PCDH15: variants seen among roughly 807,000 people sequenced by gnomAD.
PCDH15 encodes the protein protocadherin related 15.
In PCDH15, 129 loss-of-function variants were observed where a neutral mutation model predicts 178.5. The observed-to-expected ratio is 0.72, with a 90% confidence interval of 0.63 to 0.84. The LOEUF is 0.84. Ranked by LOEUF, PCDH15 falls within the 40% of genes least tolerant of loss-of-function variation. The pLI is 0.00. For synonymous variants in PCDH15, 800 were observed against 732.0 expected, an observed-to-expected ratio of 1.09 and a Z score of -1.50; for missense variants, 2,230 against 2,099.9, an observed-to-expected ratio of 1.06 and a Z score of -1.21.
intron 2 of PCDH15, among the ~76,000 whole-genome samples, chr10:55,463,884 AGAGAGG>A (rs1405077831): frequency 0.015 from 702 of 45,616 alleles, 52 homozygotes; most frequent in East Asian, 0.11. Flanking sequence ...AGAGAGAGAA[AGAGAGG>A]GAGAGAGAGA....
intron 5 of PCDH15, among the ~76,000 whole-genome samples, chr10:54,360,052 C>T (rs2134462113): frequency 6.6e-6 from 1 of 152,138 alleles, no homozygotes; most frequent in Non-Finnish European, 1.5e-5. Flanking sequence ...TCTGAATAAA[C>T]CTAGAAACTG....
intron 1 of PCDH15, among the ~76,000 whole-genome samples, chr10:54,794,096 A>G (rs1951713725): frequency 1.4e-5 from 2 of 147,178 alleles, no homozygotes; most frequent in African/African-American, 5.0e-5. Context: ...CCTTTAAGAT[A>G]TATATTTCTT....
At chr10:54,632,837 A>G (rs1323137019) in intron 2 of PCDH15, among the ~76,000 whole-genome samples, 1 of 152,266 alleles carries the variant, frequency 6.6e-6, no homozygotes, top group East Asian at 1.9e-4. Flanking sequence ...CCTGAATACT[A>G]CCTCAAAGGA....
intron 2 of PCDH15, among the ~76,000 whole-genome samples, chr10:55,009,250 ATG>A (rs5785109): frequency 2.0e-3 from 300 of 149,270 alleles, no homozygotes; most frequent in African/African-American, 3.9e-3. Flanking sequence ...GCACGCACAG[ATG>A]TGTGTGTGTG....
intron 1 of PCDH15, among the ~76,000 whole-genome samples, chr10:54,745,739 T>G (rs1422339928): frequency 6.6e-6 from 1 of 152,156 alleles, no homozygotes. Flanking sequence ...AATATATAAG[T>G]GTATAATATA....
At chr10:55,125,876 C>T (rs879547984) in intron 2 of PCDH15, among the ~76,000 whole-genome samples, 2 of 152,168 alleles carry the variant, frequency 1.3e-5, no homozygotes, top group South Asian at 2.1e-4. Flanking sequence ...TTCTTTCTTT[C>T]GCCATCCATT....
chr10:55,142,911 G>T (rs1838393940), intron 2 of PCDH15, among the ~76,000 whole-genome samples: 1 of 152,104 alleles, frequency 6.6e-6, no homozygotes, highest in African/African-American at 2.4e-5. Context: ...ATTTGGCTCT[G>T]CGTCCCTACC....
intron 8 of PCDH15, among the ~76,000 whole-genome samples, chr10:54,281,363 C>G (rs1160532290): frequency 2.0e-5 from 3 of 151,894 alleles, no homozygotes; most frequent in African/African-American, 4.8e-5. Flanking sequence ...AAATGTATAA[C>G]AGTAAAATAG....
At chr10:54,236,414 T>C (rs1309017309) in intron 9 of PCDH15, among the ~76,000 whole-genome samples, 1 of 152,098 alleles carries the variant, frequency 6.6e-6, no homozygotes. Context: ...ATAGCTCTTT[T>C]TAAATTCAGT....
At chr10:55,189,136 A>T (rs894410208) in intron 1 of PCDH15, among the ~76,000 whole-genome samples, 3 of 151,828 alleles carry the variant, frequency 2.0e-5, no homozygotes, top group African/African-American at 7.2e-5. Flanking sequence ...AGCATGGATG[A>T]GCAACAAGGG....
At chr10:55,394,903 C>T (rs1264209247) in intron 2 of PCDH15, among the ~76,000 whole-genome samples, 3 of 152,002 alleles carry the variant, frequency 2.0e-5, no homozygotes, top group East Asian at 1.9e-4. Context: ...GCTTTAGGTT[C>T]GCACTCAACC....
chr10:55,049,074 G>T (rs1387898757), intron 2 of PCDH15, among the ~76,000 whole-genome samples: 2 of 151,924 alleles, frequency 1.3e-5, no homozygotes, highest in African/African-American at 4.8e-5. Flanking sequence ...TTCTTAGAGT[G>T]ACTTTCCAGG....
At chr10:55,068,486 TTCACC>T (rs1270720500) in intron 2 of PCDH15, among the ~76,000 whole-genome samples, 1 of 152,142 alleles carries the variant, frequency 6.6e-6, no homozygotes, top group Non-Finnish European at 1.5e-5. Context: ...TGCTCTTTTG[TTCACC>T]ATAGGCGTGC....
chr10:53,825,131 C>A, intron 32 of PCDH15: 1 of 1,538,832 alleles, frequency 6.5e-7, no homozygotes, highest in Admixed American at 2.0e-5. Flanking sequence ...ATATTATTTA[C>A]TTACTTATGC....
intron 2 of PCDH15, among the ~76,000 whole-genome samples, chr10:54,555,736 C>CAAAAA (rs869032040): frequency 1.4e-3 from 99 of 71,340 alleles, no homozygotes; most frequent in African/African-American, 1.8e-3. Flanking sequence ...GACTCTGTCT[C>CAAAAA]AAAAAAAAAA....
upstream of PCDH15, among the ~76,000 whole-genome samples, chr10:54,804,487 T>C (rs1021295703): frequency 6.6e-6 from 1 of 152,106 alleles, no homozygotes; most frequent in Admixed American, 6.5e-5. Flanking sequence ...CTTTCCCTTA[T>C]GTCTGTTTTC....
At chr10:55,361,006 G>T (rs7094690) in intron 2 of PCDH15, among the ~76,000 whole-genome samples, 1 of 151,626 alleles carries the variant, frequency 6.6e-6, no homozygotes. Context: ...ATAGCAACAC[G>T]AACGAACTGC....
intron 28 of PCDH15, among the ~76,000 whole-genome samples, chr10:53,849,325 G>T (rs2078190152): frequency 6.6e-6 from 1 of 151,674 alleles, no homozygotes; most frequent in Non-Finnish European, 1.5e-5. Flanking sequence ...TAAGAAAGTT[G>T]ATTTATTTTG....
intron 2 of PCDH15, among the ~76,000 whole-genome samples, chr10:54,971,534 C>T (rs1387090679): frequency 1.3e-5 from 2 of 152,282 alleles, no homozygotes; most frequent in Middle Eastern, 3.4e-3. Context: ...TTTGTTGTAG[C>T]AGCATAAACA....
Sources: allele counts gnomAD v4.1 joint callset (sites outside exome capture counted in the v4.1 genomes callset), GRCh38; gene constraint gnomAD v4.1.1; transcripts MANE v1.5; gene names NCBI Gene and HGNC (gene_info 2026-07-23, HGNC 2026-07-21).